The following ARID4A variants were observed in gnomAD, a reference collection of about 807,000 sequenced individuals.
The protein encoded by ARID4A is AT-rich interaction domain 4A, also known as AT-rich interactive domain-containing protein 4A.
A neutral mutation model predicts 148.6 loss-of-function variants in ARID4A; 39 were observed. The ratio of observed to expected loss-of-function variants is 0.26; its 90% CI spans 0.20 to 0.34. The LOEUF (loss-of-function observed/expected upper bound fraction) is 0.34. Among genes scored for constraint, ARID4A ranks in the 10% least tolerant of loss-of-function variants. ARID4A has a pLI of 1.00. For missense variants in ARID4A, 1,265 were observed against 1,449.1 expected, an observed-to-expected ratio of 0.87 and a Z score of 2.06; for synonymous variants, 475 against 481.2, an observed-to-expected ratio of 0.99 and a Z score of 0.17.
Position 58,299,835 on chromosome 14 carries a change from C to G in ARID4A, c.-20C>G, listed in dbSNP as rs1372396954. 1 of 1,614,236 alleles carries G rather than the reference C, an allele frequency of 6.2e-7. No homozygotes were observed. The highest frequency in any genetic ancestry group is 2.2e-5 in the East Asian group (1 of 44,880). On this transcript the variant is annotated 5_prime_UTR_variant, in exon 2 of 24. Coordinates refer to ENST00000355431, the MANE Select transcript of ARID4A (RefSeq NM_002892.4). ...CGAAGATAGCTCGCTGAGCTGGAAC[C>G]CCACAGATCACCAACAAAAATGAAG...
At chr14:58,338,983 T>TTG in intron 11 of ARID4A, among the ~76,000 whole-genome samples, 1 of 138,484 alleles carries the variant, frequency 7.2e-6, no homozygotes, top group Non-Finnish European at 1.5e-5. Context: ...TTTTTTTTTT[T>TTG]GGAGACACAG....
chr14:58,338,047 G>GT (rs1319649574), intron 11 of ARID4A, among the ~76,000 whole-genome samples: 2 of 152,142 alleles, frequency 1.3e-5, no homozygotes, highest in African/African-American at 2.4e-5. Flanking sequence ...CTGTTGAGCT[G>GT]TAAGATACAT....
chr14:58,303,156 A>T (rs904903802), intron 3 of ARID4A, among the ~76,000 whole-genome samples: 1 of 152,150 alleles, frequency 6.6e-6, no homozygotes, highest in African/African-American at 2.4e-5. Flanking sequence ...CTCCTTAAAA[A>T]ATTTTATTTA....
At chr14:58,309,148 C>T (rs1219004999) in intron 5 of ARID4A, among the ~76,000 whole-genome samples, 1 of 152,138 alleles carries the variant, frequency 6.6e-6, no homozygotes, top group African/African-American at 2.4e-5. Flanking sequence ...CAGGATCTTG[C>T]TCTGTTGCCC....
Position 58,353,775 on chromosome 14 carries a change from T to G in ARID4A, c.1773T>G (p.Ile591Met). 1 of 1,613,966 alleles carries G rather than the reference T, an allele frequency of 6.2e-7. No homozygotes were observed. The highest frequency in any genetic ancestry group is 8.5e-7 in the Non-Finnish European group (1 of 1,179,958). The change falls in exon 17 of 24, where the codon ATT becomes ATG. Residue 591 changes from isoleucine to methionine, a missense_variant. Ile to Met is a conservative substitution (Grantham distance 10). Coordinates refer to ENST00000355431, the MANE Select transcript of ARID4A (RefSeq NM_002892.4). Reference sequence around the variant, plus strand: ...ATGGACGAGGGAAGACTCAGAAAATTTATGAAGCCAGTATTAAAAGCACTG... The same window carrying G: ...ATGGACGAGGGAAGACTCAGAAAATGTATGAAGCCAGTATTAAAAGCACTG... Reference protein sequence around the residue: ...VKYGRGKTQKIYEASIKSTEI... With the variant: ...VKYGRGKTQKMYEASIKSTEI...
rs1378730725 is a variant in ARID4A at position 58,364,603 on chromosome 14, T to C, written c.2514T>C (p.Phe838=). 1.2e-6 allele frequency: 2 copies of C among 1,613,406 alleles called. No homozygotes were observed. Among genetic ancestry groups the C allele is most frequent in the South Asian group, 2.2e-5 (2 of 90,912 alleles). Residue 838 remains phenylalanine, a synonymous_variant, in exon 20 of 24, where the codon TTT becomes TTC. Coordinates refer to ENST00000355431, the MANE Select transcript of ARID4A (RefSeq NM_002892.4). ...TGTCTTCATTAGACAATAAAAACTT[T>C]TCTTCTGCTACAGAAGATGAAATTG... ...LELSSLDNKN[F]SSATEDEIDQ... is the part of the protein sequence containing the mutation.
chr14:58,346,344 C>G (rs1350924403), intron 12 of ARID4A, 67 bp from the exon 13 acceptor site: 1 of 1,169,460 alleles, frequency 8.6e-7, no homozygotes, highest in Non-Finnish European at 1.2e-6. Flanking sequence ...AAATTGACCG[C>G]TTTGTTTTCA....
At chr14:58,354,308 C>T (rs1406496233) in intron 17 of ARID4A, among the ~76,000 whole-genome samples, 2 of 152,184 alleles carry the variant, frequency 1.3e-5, no homozygotes, top group Non-Finnish European at 2.9e-5. Flanking sequence ...ATGTCAAGCA[C>T]TGTAATAATT....
chr14:58,333,112 C>G (rs1348283141), intron 11 of ARID4A, among the ~76,000 whole-genome samples: 1 of 151,940 alleles, frequency 6.6e-6, no homozygotes, highest in Non-Finnish European at 1.5e-5. Context: ...AGATATAGAT[C>G]TCATGCTGTT....
chr14:58,322,373 T>G (rs531923773), intron 7 of ARID4A, among the ~76,000 whole-genome samples: 54 of 152,190 alleles, frequency 3.5e-4, no homozygotes, highest in Non-Finnish European at 5.9e-4. Context: ...CTCCATAGAC[T>G]TCTACTGAAA....
At chr14:58,317,799 A>G (rs943414554) in intron 5 of ARID4A, among the ~76,000 whole-genome samples, 1 of 151,466 alleles carries the variant, frequency 6.6e-6, no homozygotes, top group Non-Finnish European at 1.5e-5. Flanking sequence ...CGCCTGCCCT[A>G]CAAACTTTTA....
intron 23 of ARID4A, among the ~76,000 whole-genome samples, chr14:58,367,248 T>G (rs559029953): frequency 6.6e-6 from 1 of 152,316 alleles, no homozygotes; most frequent in South Asian, 2.1e-4. Flanking sequence ...AATGGGTGAT[T>G]GTACTAAATG....
At chr14:58,346,704 G>C (rs904914722) in intron 13 of ARID4A, among the ~76,000 whole-genome samples, 199 bp downstream of exon 13, 104 of 151,524 alleles carry the variant, frequency 6.9e-4, no homozygotes, top group African/African-American at 2.5e-3. Context: ...GAGGCGGGTG[G>C]ATTGCTTAAG....
chr14:58,327,592 A>T (rs1000431195), intron 8 of ARID4A, among the ~76,000 whole-genome samples: 1 of 152,114 alleles, frequency 6.6e-6, no homozygotes, highest in African/African-American at 2.4e-5. Context: ...TTCATCACAG[A>T]TTATACATTT....
chr14:58,300,260 A>T (rs1215711328), intron 2 of ARID4A, among the ~76,000 whole-genome samples: 1 of 152,232 alleles, frequency 6.6e-6, no homozygotes, highest in African/African-American at 2.4e-5. Flanking sequence ...TTAAGTAATG[A>T]AGGTATCATT....
At chr14:58,339,868 GA>G (rs2034022404) in intron 11 of ARID4A, among the ~76,000 whole-genome samples, 2 of 151,932 alleles carry the variant, frequency 1.3e-5, no homozygotes, top group African/African-American at 4.8e-5. Flanking sequence ...GAGAGAGAGA[GA>G]GAGAGCATGA....
rs542387100 is a variant in ARID4A, at chr14:58,339,340, C to G, written c.907-5355C>G. Among the ~76,000 whole-genome samples the G allele has an allele frequency of 9.4e-4, 143 of 152,178 alleles. 2 individuals are homozygous for G. The highest frequency in any genetic ancestry group is 3.3e-3 in the African/African-American group (139 of 41,520). On this transcript the variant is annotated intron_variant, in intron 11 of 23. Coordinates refer to ENST00000355431, the MANE Select transcript of ARID4A (RefSeq NM_002892.4). ...TGAGAATACCCATCAACAATATGTT[C>G]TGTTACATACAATACACAGTATAGG... is the stretch of plus-strand genomic sequence containing the variant.
At chr14:58,332,810 A>G (rs1343920067) in intron 11 of ARID4A, among the ~76,000 whole-genome samples, 7 of 152,166 alleles carry the variant, frequency 4.6e-5, no homozygotes, top group East Asian at 1.9e-4. Flanking sequence ...TTGCATTACA[A>G]TAATCAAAAA....
chr14:58,334,153 T>C (rs1473000605), intron 11 of ARID4A, among the ~76,000 whole-genome samples: 1 of 152,160 alleles, frequency 6.6e-6, no homozygotes, highest in Non-Finnish European at 1.5e-5. Flanking sequence ...AAAATATAGC[T>C]ACATACAGCT....
Sources: gnomAD v4.1 joint callset for allele counts (sites outside exome capture counted in the v4.1 genomes callset) on GRCh38, gnomAD v4.1.1 for gene constraint, MANE v1.5 for transcripts, NCBI Gene and HGNC (gene_info 2026-07-23, HGNC 2026-07-21) for gene names.